Variants in CLCN3 observed in about 807,000 individuals in gnomAD.
CLCN3 encodes H(+)/Cl(-) exchange transporter 3.
A neutral mutation model predicts 83.4 loss-of-function variants in CLCN3; 16 were observed. The ratio of observed to expected loss-of-function variants is 0.19; its 90% CI spans 0.13 to 0.29. The LOEUF (loss-of-function observed/expected upper bound fraction) is 0.29. CLCN3 is among the 10% of genes least tolerant of loss of function. The pLI is 1.00. For missense variants in CLCN3, 544 were observed against 1,006.0 expected, an observed-to-expected ratio of 0.54 and a Z score of 6.21; for synonymous variants, 322 against 346.2, an observed-to-expected ratio of 0.93 and a Z score of 0.78.
chr4:169,676,772 A>G (rs1162321955), intron 2 of CLCN3, among the ~76,000 whole-genome samples: 1 of 151,402 alleles, frequency 6.6e-6, no homozygotes, highest in Non-Finnish European at 1.5e-5. Flanking sequence ...TGCTGGGATT[A>G]CAAGCGTGAG....
chr4:169,718,969 CA>C (rs1263851544), intron 12 of CLCN3, among the ~76,000 whole-genome samples: 1 of 151,982 alleles, frequency 6.6e-6, no homozygotes, highest in African/African-American at 2.4e-5. Context: ...TGGCCTAAAT[CA>C]AAAAAAGGAA....
chr4:169,628,256 T>G (rs903383784), intron 1 of CLCN3, among the ~76,000 whole-genome samples: 4 of 152,176 alleles, frequency 2.6e-5, no homozygotes, highest in Non-Finnish European at 5.9e-5. Flanking sequence ...TAGGCATATG[T>G]TTCTTTGACT....
intron 3 of CLCN3, among the ~76,000 whole-genome samples, chr4:169,686,039 T>C (rs1299266464): frequency 2.0e-5 from 3 of 152,074 alleles, no homozygotes; most frequent in Non-Finnish European, 4.4e-5. Flanking sequence ...TGGATGAAGC[T>C]GGAAACCATC....
chr4:169,695,788 G>A (rs1333533857), intron 8 of CLCN3, 96 bp downstream of exon 8: 4 of 729,856 alleles, frequency 5.5e-6, no homozygotes, highest in Non-Finnish European at 8.6e-6. Flanking sequence ...AATAGGTAGA[G>A]ACTTTGTTTT....
At chr4:169,702,795 A>AAG (rs1553972054) in intron 9 of CLCN3, 263 of 300,998 alleles carry the variant, frequency 8.7e-4, no homozygotes, top group East Asian at 1.9e-3. Flanking sequence ...AAAAAAAAAA[A>AAG]AAGAAAGCCA....
At position 169,700,924 on chromosome 4, in the gene CLCN3, G is replaced by A. The variant is rs55647958; in HGVS notation, c.1564-3074G>A. 4.2e-3 allele frequency among the ~76,000 whole-genome samples: 640 copies of A among 152,314 alleles called. 7 individuals carry two copies. Among genetic ancestry groups the A allele is most frequent in the South Asian group, 0.036 (172 of 4,824 alleles). On this transcript the variant is annotated intron_variant, in intron 9 of 12. Transcript: ENST00000513761. ...GTGAATTGTAATCTGTTTTGCTTCT[G>A]TAGGGTCTTGCCTTGATATTGGTGG...
intron 2 of CLCN3, chr4:169,662,858 A>C (rs1731103172): frequency 6.6e-6 from 1 of 152,162 alleles, no homozygotes; most frequent in Admixed American, 6.5e-5. Context: ...TTAGGGGTAG[A>C]TTTCCTATAT....
intron 12 of CLCN3, among the ~76,000 whole-genome samples, chr4:169,714,286 GTT>G (rs200183020): frequency 2.8e-5 from 4 of 144,490 alleles, no homozygotes; most frequent in African/African-American, 2.5e-5. Context: ...GTTTTTTGTT[GTT>G]TTTTTTTTTT....
chr4:169,692,337 G>T lies in CLCN3; in HGVS notation c.936+17G>T, dbSNP rs764048356. 90 of 1,417,998 alleles carry T rather than the reference G, an allele frequency of 6.3e-5. No individual in the cohort carries two copies. Among genetic ancestry groups the T allele is most frequent in the Non-Finnish European group, 8.6e-5 (87 of 1,011,906 alleles). The allele number at this position is 1,417,998 out of a possible 1,614,324, so 87.8% of individuals were successfully genotyped here. A position where few individuals can be genotyped will look rare whatever the true frequency, so the allele number is the denominator to read the frequency against. On this transcript the variant is annotated intron_variant, in intron 7 of 12. Transcript: ENST00000513761. ...AAAAGGGAGGTAAGTGTCTTTTGTAGTTAATTTGACTGAAAAATATATATT... is the reference window on the plus strand; with the variant it reads ...AAAAGGGAGGTAAGTGTCTTTTGTATTTAATTTGACTGAAAAATATATATT...
chr4:169,698,238 A>T (rs1212475039), intron 9 of CLCN3, among the ~76,000 whole-genome samples: 1 of 152,196 alleles, frequency 6.6e-6, no homozygotes, highest in Admixed American at 6.5e-5. Context: ...TGTGTTACAA[A>T]CAATCCAATT....
At chr4:169,652,352 T>A (rs1483851555) in intron 2 of CLCN3, among the ~76,000 whole-genome samples, 1 of 152,236 alleles carries the variant, frequency 6.6e-6, no homozygotes, top group Non-Finnish European at 1.5e-5. Flanking sequence ...TAATTTAGGA[T>A]TGCCTGTTTT....
At chr4:169,694,874 T>A (rs941024460) in intron 7 of CLCN3, among the ~76,000 whole-genome samples, 2 of 151,988 alleles carry the variant, frequency 1.3e-5, no homozygotes, top group African/African-American at 4.8e-5. Flanking sequence ...CTTAGAAAAA[T>A]AATTACAAAT....
At chr4:169,660,429 G>A in intron 2 of CLCN3, 1 of 1,382,744 alleles carries the variant, frequency 7.2e-7, no homozygotes, top group Admixed American at 3.4e-5. Context: ...GTATTCCCCT[G>A]AGGGAATTAC....
intron 12 of CLCN3, among the ~76,000 whole-genome samples, chr4:169,714,818 C>A (rs2150276788): frequency 6.6e-6 from 1 of 152,108 alleles, no homozygotes; most frequent in Admixed American, 6.5e-5. Flanking sequence ...TTATTAAATT[C>A]TAATAATTTA....
At chr4:169,707,330 A>C in intron 11 of CLCN3, 64 bp downstream of exon 11, 6 of 1,255,266 alleles carry the variant, frequency 4.8e-6, no homozygotes, top group Non-Finnish European at 6.6e-6. Flanking sequence ...GGAAAGCAAT[A>C]AGCAGTAACA....
At chr4:169,635,443 A>G (rs1773477425) in intron 1 of CLCN3, among the ~76,000 whole-genome samples, 1 of 152,136 alleles carries the variant, frequency 6.6e-6, no homozygotes, top group Admixed American at 6.5e-5. Flanking sequence ...TTTTAAAAGG[A>G]TGAAAGGAGA....
chr4:169,685,520 C>G, intron 3 of CLCN3, among the ~76,000 whole-genome samples: 1 of 152,014 alleles, frequency 6.6e-6, no homozygotes, highest in East Asian at 1.9e-4. Flanking sequence ...CTGTATAATG[C>G]TAAATATATC....
intron 12 of CLCN3, chr4:169,717,902 C>T: frequency 2.1e-6 from 3 of 1,419,248 alleles, no homozygotes; most frequent in Non-Finnish European, 3.0e-6. Context: ...CATTAGACAC[C>T]TTAGAAGTCA....
chr4:169,693,503 A>G (rs1732448555), intron 7 of CLCN3, among the ~76,000 whole-genome samples: 1 of 152,214 alleles, frequency 6.6e-6, no homozygotes, highest in South Asian at 2.1e-4. Context: ...GCCCGAGACT[A>G]CATACCTAGT....
Sources: gnomAD v4.1 joint callset for allele counts (sites outside exome capture counted in the v4.1 genomes callset) on GRCh38, gnomAD v4.1.1 for gene constraint, MANE v1.5 for transcripts, NCBI Gene and HGNC (gene_info 2026-07-23, HGNC 2026-07-21) for gene names.